Variants in CNGB1 observed in about 807,000 individuals in gnomAD.
CNGB1 encodes the protein cyclic nucleotide gated channel subunit beta 1, also known as cyclic nucleotide-gated channel beta-1.
Under a neutral mutation model 151.7 loss-of-function variants are expected in CNGB1, and 126 were observed. The ratio of observed to expected loss-of-function variants is 0.83; its 90% CI spans 0.72 to 0.96. The LOEUF (loss-of-function observed/expected upper bound fraction) is 0.96. Ranked by LOEUF, CNGB1 falls within the 40% of genes least tolerant of loss-of-function variation. CNGB1 has a pLI of 0.00. For synonymous variants in CNGB1, 623 were observed against 635.1 expected (o/e 0.98, Z 0.29); for missense variants, 1,698 against 1,627.0 (o/e 1.04, Z -0.75).
At position 57,904,797 on chromosome 16, in the gene CNGB1, T is replaced by TA. The variant is rs775887058; in HGVS notation, c.2570_2571insT (p.Glu857AspfsTer77). ...AATAATTCAGCAGCTGGAAGACAAT[T>TA]TCAAAGAGTGTCTTGGGGTCAGGCA... On this transcript the variant is annotated frameshift_variant, in exon 26 of 33. Transcript: ENST00000251102. LOFTEE classifies it high-confidence loss of function. 24 of 1,613,912 alleles carry TA rather than the reference T, an allele frequency of 1.5e-5. No homozygotes were observed. Among genetic ancestry groups the TA allele is most frequent in the Non-Finnish European group, 1.6e-5 (19 of 1,180,022 alleles).
rs76450964 is a variant in CNGB1, at chr16:57,903,915, C to T, written c.2701G>A (p.Val901Met). ...TYYRSCMDST[V>M]KYMNFYKIPK... ...ATCTTGTAGAAATTCATGTACTTCA[C>T]CGTGCTGTCCATGCAGCTGCGGTAG... The change falls in exon 27 of 33, where the codon GTG (valine) becomes ATG (methionine). Residue 901 changes from valine to methionine, a missense_variant. Transcript: ENST00000251102. 1.9e-6 allele frequency: 3 copies of T among 1,614,150 alleles called. No individual in the cohort carries two copies. Among genetic ancestry groups the T allele is most frequent in the South Asian group, 1.1e-5 (1 of 91,080 alleles).
intron 26 of CNGB1, 113 bp downstream of exon 26, chr16:57,904,621 C>T (rs1478267353): frequency 1.4e-5 from 20 of 1,467,462 alleles, no homozygotes; most frequent in South Asian, 5.7e-5. Context: ...AGTCTAGTGC[C>T]CTTTCCCAGG....
chr16:57,899,460 CA>C (rs1960326250), intron 29 of CNGB1, among the ~76,000 whole-genome samples: 1 of 152,088 alleles, frequency 6.6e-6, no homozygotes, highest in African/African-American at 2.4e-5. Flanking sequence ...GCCAACATGG[CA>C]AAACCCTGTC....
At chr16:57,920,868 C>T (rs1197792966) in intron 18 of CNGB1, among the ~76,000 whole-genome samples, 2 of 152,170 alleles carry the variant, frequency 1.3e-5, no homozygotes, top group Admixed American at 6.5e-5. Flanking sequence ...GTTTAGAGTT[C>T]AGCAAAATTG....
intron 32 of CNGB1, 35 bp from the exon 33 acceptor site, chr16:57,884,492 A>ACT (rs758596858): frequency 2.4e-5 from 38 of 1,610,578 alleles, no homozygotes; most frequent in Non-Finnish European, 3.2e-5. Context: ...TGAGGCACAG[A>ACT]CTCTCGGAGG....
chr16:57,914,013 A>G (rs1290958840), intron 23 of CNGB1, among the ~76,000 whole-genome samples: 1 of 152,216 alleles, frequency 6.6e-6, no homozygotes, highest in African/African-American at 2.4e-5. Flanking sequence ...ATTTGAAAAT[A>G]GTATTTATGA....
chr16:57,908,290 G>GTTAAT, intron 25 of CNGB1, among the ~76,000 whole-genome samples: 1 of 152,232 alleles, frequency 6.6e-6, no homozygotes, highest in African/African-American at 2.4e-5. Flanking sequence ...CATCTATACT[G>GTTAAT]GGAGGGGACG....
chr16:57,925,060 T>C (rs1348223484), intron 17 of CNGB1, among the ~76,000 whole-genome samples: 4 of 152,218 alleles, frequency 2.6e-5, no homozygotes, highest in African/African-American at 9.6e-5. Flanking sequence ...TGGAGTGCAG[T>C]GGCACGATCT....
intron 25 of CNGB1, 44 bp from the exon 26 acceptor site, chr16:57,904,919 A>G (rs1320189121): frequency 1.2e-6 from 2 of 1,613,308 alleles, no homozygotes; most frequent in Non-Finnish European, 1.7e-6. Context: ...CACAGGCCCC[A>G]CTCTGCCGCC....
intron 27 of CNGB1, among the ~76,000 whole-genome samples, chr16:57,902,261 G>C (rs1960412422): frequency 6.6e-6 from 1 of 151,780 alleles, no homozygotes; most frequent in African/African-American, 2.4e-5. Context: ...AGTAGAAACG[G>C]GGTTTCACCA....
chr16:57,904,827 C>G lies in CNGB1; in HGVS notation c.2541G>C (p.Gly847=). 1 of 1,614,090 alleles carries G rather than the reference C, an allele frequency of 6.2e-7. No individual in the cohort carries two copies. The change falls in exon 26 of 33, where the codon GGG becomes GGC. Residue 847 remains glycine, a synonymous_variant. Transcript: ENST00000251102. ...AGAGTGTCTTGGGGTCAGGCAGCCC[C>G]CCGATGGTGATGAGGGTCTTCACAG... is the stretch of plus-strand genomic sequence containing the variant. ...YFAVKTLITI[G]GLPDPKTLFE...
At position 57,919,203 on chromosome 16, in the gene CNGB1, G is replaced by T; in HGVS notation, c.1853C>A (p.Ala618Asp). The T allele has an allele frequency of 6.2e-7, 1 of 1,614,202 alleles. No homozygotes were observed. Among genetic ancestry groups the T allele is most frequent in the Non-Finnish European group, 8.5e-7 (1 of 1,180,048 alleles). The change falls in exon 20 of 33, where the codon GCC (alanine) becomes GAC (aspartate). Residue 618 changes from alanine (A) to aspartate (D), a missense_variant. Physicochemically the swap from Ala to Asp is moderately radical, Grantham distance 126. Coordinates refer to ENST00000251102, the MANE Select transcript of CNGB1 (RefSeq NM_001297.5). ...EPAPDTKPAE[A>D]EPVEEEHYCD... Reference sequence around the variant, plus strand: ...ATAGTGCTCCTCTTCCACTGGCTCGGCTTCAGCGGGCTTTGTGTCTGGAGC... The same window carrying T: ...ATAGTGCTCCTCTTCCACTGGCTCGTCTTCAGCGGGCTTTGTGTCTGGAGC...
At chr16:57,902,416 T>C (rs1437439354) in intron 27 of CNGB1, among the ~76,000 whole-genome samples, 1 of 151,848 alleles carries the variant, frequency 6.6e-6, no homozygotes, top group African/African-American at 2.4e-5. Context: ...ATTATCTTAG[T>C]TTTAGTTTTT....
rs200729794 is a variant in CNGB1, at chr16:57,939,600, G to C, written c.1210-8C>G. The C allele has an allele frequency of 6.2e-7, 1 of 1,614,126 alleles. No individual in the cohort carries two copies. Among genetic ancestry groups the C allele is most frequent in the Non-Finnish European group, 8.5e-7 (1 of 1,180,022 alleles). On this transcript the variant is annotated splice_region_variant and splice_polypyrimidine_tract_variant and intron_variant, in intron 15 of 32. Coordinates refer to ENST00000251102, the MANE Select transcript of CNGB1 (RefSeq NM_001297.5). ...AACTTCCTCCCACAGCTTCTGCAGA[G>C]AATAAAGTGAAAACAGAAACTGTGA...
At chr16:57,888,442 C>CCT (rs1289632970) in intron 31 of CNGB1, among the ~76,000 whole-genome samples, 3 of 150,364 alleles carry the variant, frequency 2.0e-5, no homozygotes, top group Non-Finnish European at 3.0e-5. Flanking sequence ...CTCTTCTCTT[C>CCT]CTCTCTCTCT....
chr16:57,929,521 GT>G (rs1255212157), intron 17 of CNGB1, among the ~76,000 whole-genome samples: 1 of 151,944 alleles, frequency 6.6e-6, no homozygotes, highest in Non-Finnish European at 1.5e-5. Flanking sequence ...AGGAAAAGAG[GT>G]TTAATTGACT....
intron 14 of CNGB1, among the ~76,000 whole-genome samples, chr16:57,945,935 C>G (rs1334713267): frequency 6.6e-6 from 1 of 152,206 alleles, no homozygotes; most frequent in Non-Finnish European, 1.5e-5. Flanking sequence ...ACAAAAATCC[C>G]CAGCTATCAA....
intron 16 of CNGB1, among the ~76,000 whole-genome samples, chr16:57,932,472 A>G (rs1961381602): frequency 7.2e-6 from 1 of 139,570 alleles, no homozygotes; most frequent in Non-Finnish European, 1.5e-5. Flanking sequence ...GTGCAATCTC[A>G]GTTCACCCCA....
Position 57,920,406 on chromosome 16 carries a change from A to C in CNGB1, c.1782T>G (p.Asp594Glu), listed in dbSNP as rs1423138817. The part of the protein sequence containing the change: ...EKLIDPDVTS[D>E]EESPKPSPAK... ...ACTCACAGGGCTTGGGGCTCTCCTC[A>C]TCAGAGGTGACGTCAGGGTCAATGA... The change falls in exon 19 of 33, where the codon GAT becomes GAG. Residue 594 changes from aspartate (D) to glutamate (E), a missense_variant. By Grantham distance (45) the Asp-to-Glu change is conservative (BLOSUM62 2). Transcript: ENST00000251102. 2 of 1,614,136 alleles carry C rather than the reference A, an allele frequency of 1.2e-6. No homozygotes were observed. Among genetic ancestry groups the C allele is most frequent in the East Asian group, 2.2e-5 (1 of 44,884 alleles).
Sources: allele counts gnomAD v4.1 joint callset (sites outside exome capture counted in the v4.1 genomes callset), GRCh38; gene constraint gnomAD v4.1.1; transcripts MANE v1.5; gene names NCBI Gene and HGNC (gene_info 2026-07-23, HGNC 2026-07-21).